Variants in AKIRIN2 observed in about 807,000 individuals in gnomAD.
AKIRIN2 encodes the protein akirin 2.
A neutral mutation model predicts 29.3 loss-of-function variants in AKIRIN2; 6 were observed. That is an observed-to-expected ratio of 0.20 (90% CI 0.11 to 0.40). The LOEUF (loss-of-function observed/expected upper bound fraction) is 0.40. AKIRIN2 is among the 10% of genes least tolerant of loss of function. AKIRIN2 has a pLI of 1.00. For synonymous variants in AKIRIN2, 128 were observed against 117.5 expected, an observed-to-expected ratio of 1.09 and a Z score of -0.58; for missense variants, 210 against 276.1, an observed-to-expected ratio of 0.76 and a Z score of 1.70.
At chr6:87,687,119 A>G (rs1026322021) in intron 1 of AKIRIN2, among the ~76,000 whole-genome samples, 12 of 150,914 alleles carry the variant, frequency 8.0e-5, no homozygotes, top group Non-Finnish European at 1.6e-4. Context: ...AAACCTGTAC[A>G]TAATTAAGTA....
chr6:87,684,243 C>A (rs1771156372), intron 1 of AKIRIN2, among the ~76,000 whole-genome samples: 1 of 152,096 alleles, frequency 6.6e-6, no homozygotes, highest in Non-Finnish European at 1.5e-5. Context: ...ATAATAACAA[C>A]CTCAATTTGT....
intron 1 of AKIRIN2, among the ~76,000 whole-genome samples, chr6:87,700,267 C>CAAAAA (rs10659226): frequency 7.0e-6 from 1 of 142,006 alleles, no homozygotes; most frequent in East Asian, 2.0e-4. Flanking sequence ...TTAAATGTGA[C>CAAAAA]AAAAAAAAAA....
At position 87,701,724 on chromosome 6, in the gene AKIRIN2, G is replaced by C. The variant is rs1562402696; in HGVS notation, c.-40C>G. The C allele has an allele frequency of 7.3e-7, 1 of 1,369,970 alleles. No homozygotes were observed. The highest frequency in any genetic ancestry group is 1.9e-4 in the Middle Eastern group (1 of 5,242). 84.9% of individuals were successfully genotyped at this position (1,369,970 alleles called of 1,614,324 possible). A position where few individuals can be genotyped will look rare whatever the true frequency, so the allele number is the denominator to read the frequency against. On this transcript the variant is annotated 5_prime_UTR_variant, in exon 1 of 5. Transcript: ENST00000257787. ...GAGGCGCCGGGCTCGGGTGGGGTCG[G>C]GGACGGGTGACGAAAGAAGAGGGTG...
intron 1 of AKIRIN2, among the ~76,000 whole-genome samples, chr6:87,687,219 G>T (rs1344872756): frequency 1.4e-5 from 2 of 146,930 alleles, no homozygotes; most frequent in African/African-American, 5.1e-5. Flanking sequence ...CTACATACTA[G>T]ATACTGTCAT....
intron 2 of AKIRIN2, among the ~76,000 whole-genome samples, chr6:87,680,764 C>A (rs1363464716): frequency 4.9e-5 from 1 of 20,322 alleles, no homozygotes; most frequent in Non-Finnish European, 9.0e-5. Context: ...TTATTCCCCG[C>A]CCCCCCCCTT....
intron 1 of AKIRIN2, among the ~76,000 whole-genome samples, chr6:87,684,963 T>G (rs1324274024): frequency 6.6e-6 from 1 of 152,132 alleles, no homozygotes; most frequent in Non-Finnish European, 1.5e-5. Flanking sequence ...TTTTCCAGAG[T>G]GATTTTGTCA....
intron 1 of AKIRIN2, among the ~76,000 whole-genome samples, chr6:87,684,012 A>G (rs142057312): frequency 3.7e-4 from 57 of 152,328 alleles, no homozygotes; most frequent in African/African-American, 1.3e-3. Flanking sequence ...GTCCAAAGCT[A>G]CCATTATCCT....
chr6:87,678,152 G>A (rs886114468), intron 2 of AKIRIN2, among the ~76,000 whole-genome samples, 185 bp from the exon 3 acceptor site: 3 of 152,120 alleles, frequency 2.0e-5, no homozygotes, highest in Non-Finnish European at 4.4e-5. Context: ...AGCTGGTGAC[G>A]CTGGAAAAAC....
Position 87,675,561 on chromosome 6 carries a change from AG to A in AKIRIN2, c.*35del. The A allele has an allele frequency of 6.2e-7, 1 of 1,613,612 alleles. No homozygotes were observed. Among genetic ancestry groups the A allele is most frequent in the Non-Finnish European group, 8.5e-7 (1 of 1,179,474 alleles). On this transcript the variant is annotated 3_prime_UTR_variant, in exon 5 of 5. Coordinates refer to ENST00000257787, the MANE Select transcript of AKIRIN2 (RefSeq NM_018064.4). ...TGGGACCTCTTGCAACAACTCAACA[AG>A]GAACAAGGCAGCCCACAAATGCAGG...
chr6:87,689,956 A>G (rs1012480047), intron 1 of AKIRIN2, among the ~76,000 whole-genome samples: 1 of 152,180 alleles, frequency 6.6e-6, no homozygotes, highest in African/African-American at 2.4e-5. Flanking sequence ...TCACGCCTGT[A>G]ATCCTAGCAC....
At chr6:87,681,128 C>T (rs1387617847) in intron 2 of AKIRIN2, among the ~76,000 whole-genome samples, 1 of 152,148 alleles carries the variant, frequency 6.6e-6, no homozygotes, top group Admixed American at 6.5e-5. Flanking sequence ...ACCTCCGCCT[C>T]CTGGGTTCAA....
chr6:87,676,596 A>AACACACGCACGCGCGCGCACACACACAC (rs1485678233), intron 3 of AKIRIN2, among the ~76,000 whole-genome samples: 7 of 142,146 alleles, frequency 4.9e-5, no homozygotes, highest in African/African-American at 1.9e-4. Flanking sequence ...CTCTACTAAA[A>AACACACGCACGCGCGCGCACACACACAC]ACACACACAC....
chr6:87,682,007 A>G (rs1771129235), intron 1 of AKIRIN2, among the ~76,000 whole-genome samples: 1 of 152,254 alleles, frequency 6.6e-6, no homozygotes, highest in Non-Finnish European at 1.5e-5. Flanking sequence ...GCAAAAATAA[A>G]GTTTTTCAGT....
intron 1 of AKIRIN2, among the ~76,000 whole-genome samples, chr6:87,692,538 G>A (rs1771292410): frequency 6.6e-6 from 1 of 152,216 alleles, no homozygotes; most frequent in Non-Finnish European, 1.5e-5. Flanking sequence ...TGGGCTGGGC[G>A]CGGTGGCTCA....
intron 1 of AKIRIN2, among the ~76,000 whole-genome samples, chr6:87,693,085 CG>C (rs1326175072): frequency 2.0e-5 from 3 of 151,740 alleles, no homozygotes. Flanking sequence ...AAAAAGTAGC[CG>C]GGTATGATGG....
At chr6:87,676,596 A>AATACACGCACGCGCGCACAC (rs1554256933) in intron 3 of AKIRIN2, among the ~76,000 whole-genome samples, 1 of 142,046 alleles carries the variant, frequency 7.0e-6, no homozygotes, top group African/African-American at 2.7e-5. Context: ...CTCTACTAAA[A>AATACACGCACGCGCGCACAC]ACACACACAC....
At chr6:87,700,606 G>A (rs1771444393) in intron 1 of AKIRIN2, 2 of 152,304 alleles carry the variant, frequency 1.3e-5, no homozygotes, top group South Asian at 4.1e-4. Context: ...AAGATGAAAA[G>A]CAAAAGTCTG....
At chr6:87,677,384 A>C (rs949651630) in intron 3 of AKIRIN2, among the ~76,000 whole-genome samples, 4 of 152,234 alleles carry the variant, frequency 2.6e-5, no homozygotes, top group Non-Finnish European at 5.9e-5. Flanking sequence ...ATACATAATA[A>C]ATTTTATTTA....
intron 1 of AKIRIN2, among the ~76,000 whole-genome samples, chr6:87,697,723 C>G (rs897677725): frequency 6.6e-6 from 1 of 152,130 alleles, no homozygotes; most frequent in Non-Finnish European, 1.5e-5. Context: ...TCCTGTAAAC[C>G]CTTCCCCATT....
Sources: gnomAD v4.1 joint callset for allele counts (sites outside exome capture counted in the v4.1 genomes callset) on GRCh38, gnomAD v4.1.1 for gene constraint, MANE v1.5 for transcripts, NCBI Gene and HGNC (gene_info 2026-07-23, HGNC 2026-07-21) for gene names.